Variants in AMPH observed in about 807,000 individuals in gnomAD.
The protein encoded by AMPH is amphiphysin (Stiff-Mann syndrome with breast cancer 128kD autoantigen).
In AMPH, 49 loss-of-function variants were observed where a neutral mutation model predicts 99.1. The observed-to-expected ratio is 0.49, with a 90% CI of 0.39 to 0.63. The LOEUF is 0.63. Ranked by LOEUF, AMPH falls within the 20% of genes least tolerant of loss-of-function variation. The pLI is 0.00. For missense variants in AMPH, 759 were observed against 863.4 expected (o/e 0.88, Z 1.52); for synonymous variants, 314 against 317.3 (o/e 0.99, Z 0.11).
chr7:38,505,757 A>G (rs2129028246), intron 2 of AMPH, among the ~76,000 whole-genome samples: 2 of 152,306 alleles, frequency 1.3e-5, no homozygotes, highest in South Asian at 4.2e-4. Context: ...TGAAGTTCTC[A>G]ATACCACCAA....
At chr7:38,432,384 A>G (rs148693278) in intron 12 of AMPH, among the ~76,000 whole-genome samples, 172 bp from the exon 13 acceptor site, 50 of 152,298 alleles carry the variant, frequency 3.3e-4, no homozygotes, top group South Asian at 6.2e-4. Context: ...CTTATCCAGT[A>G]TGGTAGCCAC....
intron 1 of AMPH, among the ~76,000 whole-genome samples, chr7:38,585,443 C>T (rs1410016326): frequency 6.6e-6 from 1 of 152,164 alleles, no homozygotes; most frequent in Non-Finnish European, 1.5e-5. Flanking sequence ...CTCACAGGGG[C>T]TTTTGCAAAG....
At chr7:38,393,926 T>C in intron 18 of AMPH, 79 bp downstream of exon 18, 5 of 1,387,382 alleles carry the variant, frequency 3.6e-6, no homozygotes, top group Non-Finnish European at 5.1e-6. Context: ...CAAAGAGTTA[T>C]CACCATGAAC....
chr7:38,454,940 CAG>C (rs1158439820), intron 11 of AMPH, among the ~76,000 whole-genome samples: 1 of 151,528 alleles, frequency 6.6e-6, no homozygotes, highest in Admixed American at 6.6e-5. Context: ...GTAGAAAGGT[CAG>C]AAATACATGA....
At chr7:38,576,534 A>G (rs1287512087) in intron 1 of AMPH, among the ~76,000 whole-genome samples, 1 of 152,168 alleles carries the variant, frequency 6.6e-6, no homozygotes, top group East Asian at 1.9e-4. Flanking sequence ...TCGTATGTTA[A>G]GTGCTGGTTT....
At chr7:38,622,372 C>A (rs546604374) in intron 1 of AMPH, among the ~76,000 whole-genome samples, 1 of 152,114 alleles carries the variant, frequency 6.6e-6, no homozygotes, top group South Asian at 2.1e-4. Context: ...TAAGGTACTT[C>A]ACAATATTTC....
At chr7:38,435,711 G>C (rs1479494520) in intron 12 of AMPH, among the ~76,000 whole-genome samples, 1 of 152,248 alleles carries the variant, frequency 6.6e-6, no homozygotes, top group South Asian at 2.1e-4. Context: ...GAGCAAAAAG[G>C]CTTGGGGAAG....
intron 6 of AMPH, among the ~76,000 whole-genome samples, chr7:38,475,955 TACCATGTGA>T (rs1243157347): frequency 1.3e-5 from 2 of 152,218 alleles, no homozygotes; most frequent in Non-Finnish European, 2.9e-5. Context: ...AATTCCAGCT[TACCATGTGA>T]ACTTGTCAGA....
intron 1 of AMPH, among the ~76,000 whole-genome samples, chr7:38,540,542 G>A (rs1424451941): frequency 6.6e-6 from 1 of 151,504 alleles, no homozygotes; most frequent in Non-Finnish European, 1.5e-5. Context: ...AGTTAGGAGT[G>A]GAATATTGTG....
chr7:38,457,039 CA>C (rs1340779781), intron 11 of AMPH, among the ~76,000 whole-genome samples: 1 of 152,146 alleles, frequency 6.6e-6, no homozygotes, highest in Non-Finnish European at 1.5e-5. Context: ...TACATGTGGC[CA>C]AAATCAAAGC....
Position 38,603,246 on chromosome 7 carries a change from G to A in AMPH, c.69+28037C>T, listed in dbSNP as rs1293727787. Among the ~76,000 whole-genome samples the A allele has an allele frequency of 3.3e-5, 5 of 150,946 alleles. No individual in the cohort carries two copies. The South Asian group carries it at 1.1e-3, about 32-fold the overall frequency. ...CAGAGGAATCCCCTGAACCTGGGAG[G>A]TGGAGGTTGCAGTGAGCCAAGATCA... On this transcript the variant is annotated intron_variant, in intron 1 of 20. Transcript: ENST00000356264.
chr7:38,416,796 A>G (rs773705280), intron 17 of AMPH, among the ~76,000 whole-genome samples: 2 of 152,194 alleles, frequency 1.3e-5, no homozygotes, highest in Non-Finnish European at 2.9e-5. Context: ...AAGTCCCTGC[A>G]AGCAATGCCT....
chr7:38,486,514 A>C (rs1458960413), intron 5 of AMPH, among the ~76,000 whole-genome samples: 5 of 152,100 alleles, frequency 3.3e-5, no homozygotes, highest in Non-Finnish European at 7.4e-5. Flanking sequence ...CATTTAAAAA[A>C]GAATTAATGC....
At chr7:38,403,498 C>T (rs1007082722) in intron 17 of AMPH, among the ~76,000 whole-genome samples, 3 of 152,244 alleles carry the variant, frequency 2.0e-5, no homozygotes, top group Middle Eastern at 3.4e-3. Flanking sequence ...GGCTGTGCAC[C>T]CAGTGTAGGT....
chr7:38,432,561 T>C (rs942670077), intron 12 of AMPH, among the ~76,000 whole-genome samples: 9 of 148,898 alleles, frequency 6.0e-5, no homozygotes, highest in Non-Finnish European at 1.3e-4. Flanking sequence ...AAAACTATAT[T>C]TGAAACACAA....
chr7:38,616,820 T>C (rs1216059780), intron 1 of AMPH, among the ~76,000 whole-genome samples: 4 of 152,122 alleles, frequency 2.6e-5, no homozygotes, highest in Admixed American at 2.6e-4. Flanking sequence ...ATCAGAATAG[T>C]GGCTACCTGG....
intron 17 of AMPH, among the ~76,000 whole-genome samples, chr7:38,402,079 T>C (rs1784856644): frequency 6.6e-6 from 1 of 152,166 alleles, no homozygotes; most frequent in African/African-American, 2.4e-5. Flanking sequence ...CTTTACCACA[T>C]CTCATGCAAA....
At chr7:38,408,484 G>A (rs573350842) in intron 17 of AMPH, among the ~76,000 whole-genome samples, 6 of 152,126 alleles carry the variant, frequency 3.9e-5, no homozygotes, top group South Asian at 2.1e-4. Context: ...TACTTAGGCC[G>A]GGCGCAGTGG....
chr7:38,599,503 AT>A (rs1275331205), intron 1 of AMPH, among the ~76,000 whole-genome samples: 1 of 152,214 alleles, frequency 6.6e-6, no homozygotes, highest in Non-Finnish European at 1.5e-5. Flanking sequence ...TACATACAAA[AT>A]ATATGCTAAT....
Sources: gnomAD v4.1 joint callset for allele counts (sites outside exome capture counted in the v4.1 genomes callset) on GRCh38, gnomAD v4.1.1 for gene constraint, MANE v1.5 for transcripts, NCBI Gene and HGNC (gene_info 2026-07-23, HGNC 2026-07-21) for gene names.